The following TBC1D15 variants were observed in gnomAD, a reference collection of about 807,000 sequenced individuals.
TBC1D15 encodes TBC1 domain family member 15.
A neutral mutation model predicts 95.4 loss-of-function variants in TBC1D15; 39 were observed. That is an observed-to-expected ratio of 0.41 (90% confidence interval 0.32 to 0.53). The LOEUF is 0.53. TBC1D15 is among the 20% of genes least tolerant of loss of function. The pLI, the probability that TBC1D15 is intolerant of heterozygous loss-of-function variation, is 0.29. For missense variants in TBC1D15, 733 were observed against 794.3 expected, an observed-to-expected ratio of 0.92 and a Z score of 0.93; for synonymous variants, 258 against 261.3, an observed-to-expected ratio of 0.99 and a Z score of 0.12.
intron 10 of TBC1D15, among the ~76,000 whole-genome samples, chr12:71,899,213 CT>C (rs1465837026): frequency 5.9e-5 from 9 of 152,240 alleles, no homozygotes; most frequent in Admixed American, 5.2e-4. Context: ...CTTTCATGTC[CT>C]TTTCTGATCC....
chr12:71,894,240 TGA>T, intron 6 of TBC1D15: 1 of 1,065,922 alleles, frequency 9.4e-7, no homozygotes, highest in Non-Finnish European at 1.4e-6. Context: ...TATTTAAATA[TGA>T]GTTTTTAAAT....
At position 71,894,543 on chromosome 12, in the gene TBC1D15, A is replaced by T; in HGVS notation, c.658-143A>T. 2 of 1,094,100 alleles carry T rather than the reference A, an allele frequency of 1.8e-6. 1 individual carries two copies. Among genetic ancestry groups the T allele is most frequent in the South Asian group, 3.3e-5 (2 of 61,324 alleles). 67.8% of individuals were successfully genotyped at this position (1,094,100 alleles called of 1,614,324 possible). A position where few individuals can be genotyped will look rare whatever the true frequency, so the allele number is the denominator to read the frequency against. On this transcript the variant is annotated intron_variant, in intron 6 of 16. Transcript: ENST00000485960. Reference sequence around the variant, plus strand: ...AAATTTTTCTTTGAAGAAAGAAAATACAAATTTAAGATAATCTTAGAACAC... The same window carrying T: ...AAATTTTTCTTTGAAGAAAGAAAATTCAAATTTAAGATAATCTTAGAACAC...
chr12:71,856,463 T>C (rs1889100197), intron 1 of TBC1D15, among the ~76,000 whole-genome samples: 1 of 151,220 alleles, frequency 6.6e-6, no homozygotes, highest in Non-Finnish European at 1.5e-5. Context: ...ATGTTGCATG[T>C]CTCTGGTAGT....
rs112129926 is a variant in TBC1D15 at position 71,889,621 on chromosome 12, C to A, written c.555-3601C>A. Among the ~76,000 whole-genome samples the A allele has an allele frequency of 7.0e-3, 1,063 of 152,298 alleles. 6 individuals carry two copies. The highest frequency in any genetic ancestry group is 0.021 in the African/African-American group (891 of 41,572). ...CCAAATTTATATAAGCCATCCCCCA[C>A]TGTCAGATTCTTTTTTGTTTTAACT... On this transcript the variant is annotated intron_variant, in intron 5 of 16. Coordinates refer to ENST00000485960, the MANE Select transcript of TBC1D15 (RefSeq NM_001146213.3).
At position 71,856,405 on chromosome 12, in the gene TBC1D15, G is replaced by T. The variant is rs1027033325; in HGVS notation, c.31-15665G>T. ...ATTCTTTTGCTGTTTTAGATGCATGGTGCTGATTCTTTGTAGAATTTGGCT... is the reference window on the plus strand; with the variant it reads ...ATTCTTTTGCTGTTTTAGATGCATGTTGCTGATTCTTTGTAGAATTTGGCT... On this transcript the variant is annotated intron_variant, in intron 1 of 16. Coordinates refer to ENST00000485960, the MANE Select transcript of TBC1D15 (RefSeq NM_001146213.3). 3.3e-5 allele frequency among the ~76,000 whole-genome samples: 5 copies of T among 152,082 alleles called. No individual in the cohort carries two copies. The East Asian group carries it at 7.7e-4, about 23-fold the overall frequency.
chr12:71,894,164 C>T (rs1237529892), intron 6 of TBC1D15, among the ~76,000 whole-genome samples: 1 of 151,942 alleles, frequency 6.6e-6, no homozygotes, highest in African/African-American at 2.4e-5. Context: ...GTAGCACTGT[C>T]CCAGAATAAA....
chr12:71,882,928 T>C (rs754486631), intron 4 of TBC1D15, among the ~76,000 whole-genome samples: 2 of 152,168 alleles, frequency 1.3e-5, no homozygotes, highest in Non-Finnish European at 2.9e-5. Context: ...AATATATGTC[T>C]CTTCTGTTAA....
chr12:71,868,776 A>G (rs1001877569), intron 1 of TBC1D15: 7 of 152,224 alleles, frequency 4.6e-5, no homozygotes, highest in Admixed American at 2.6e-4. Context: ...TGTTAATGGT[A>G]TCATAGAACC....
intron 1 of TBC1D15, among the ~76,000 whole-genome samples, chr12:71,846,139 G>A (rs1320603487): frequency 1.3e-5 from 2 of 152,132 alleles, no homozygotes; most frequent in Non-Finnish European, 2.9e-5. Context: ...ATTCTAAAAT[G>A]TTTGCTGTGG....
chr12:71,888,985 G>C (rs1029904864), intron 5 of TBC1D15, among the ~76,000 whole-genome samples: 4 of 151,674 alleles, frequency 2.6e-5, no homozygotes, highest in South Asian at 2.1e-4. Context: ...GCTATAATAA[G>C]TGCCGTGAAT....
chr12:71,896,905 T>A, intron 9 of TBC1D15, 125 bp downstream of exon 9: 3 of 603,342 alleles, frequency 5.0e-6, no homozygotes, highest in Non-Finnish European at 8.2e-6. Context: ...TTCATTTTTA[T>A]GTTTTAACTT....
intron 3 of TBC1D15, among the ~76,000 whole-genome samples, chr12:71,877,547 CCTTCCTTCCTTCCTTT>C (rs1346289714): frequency 0.015 from 1,775 of 120,338 alleles, 61 homozygotes; most frequent in African/African-American, 0.056. Context: ...TTCCTTCCTT[CCTTCCTTCCTTCCTTT>C]CTTCTTTTTC....
At position 71,920,775 on chromosome 12, in the gene TBC1D15, C is replaced by G. The variant is rs1467480031; in HGVS notation, c.1644C>G (p.Leu548=). ...CATGTACAAATTTCCATCTTCTTCT[C>G]TGTTGTGCTATTCTGGAATCAGAAA... ...ELPCTNFHLL[L]CCAILESEKQ... The change falls in exon 15 of 17, where the codon CTC becomes CTG. Residue 548 remains leucine, a synonymous_variant. Transcript: ENST00000485960. The G allele has an allele frequency of 6.2e-7, 1 of 1,613,058 alleles. No individual in the cohort carries two copies. Among genetic ancestry groups the G allele is most frequent in the Admixed American group, 1.7e-5 (1 of 59,918 alleles).
At position 71,923,871 on chromosome 12, in the gene TBC1D15, TC is replaced by T. The variant is rs1870311410; in HGVS notation, c.*668del. On this transcript the variant is annotated 3_prime_UTR_variant, in exon 17 of 17. Transcript: ENST00000485960. ...AGTATAAGAAAGGTTAGGCATATTTTCATTAACTGAATAAACGACTTGATTT... is the reference window on the plus strand; with the variant it reads ...AGTATAAGAAAGGTTAGGCATATTTTATTAACTGAATAAACGACTTGATTT... 1 of 152,584 alleles carries T rather than the reference TC, an allele frequency of 6.6e-6. No individual in the cohort carries two copies. Among genetic ancestry groups the T allele is most frequent in the African/African-American group, 2.4e-5 (1 of 41,462 alleles). 9.5% of individuals were successfully genotyped at this position (152,584 alleles called of 1,614,324 possible). A position where few individuals can be genotyped will look rare whatever the true frequency, so the allele number is the denominator to read the frequency against.
chr12:71,851,300 T>G (rs539354197), intron 1 of TBC1D15, among the ~76,000 whole-genome samples: 1 of 152,056 alleles, frequency 6.6e-6, no homozygotes, highest in African/African-American at 2.4e-5. Context: ...CCACCCCCAC[T>G]ATTACCTCCC....
At chr12:71,839,858 G>C in intron 1 of TBC1D15, 47 bp downstream of exon 1, 1 of 1,613,130 alleles carries the variant, frequency 6.2e-7, no homozygotes, top group African/African-American at 1.3e-5. Flanking sequence ...CTGGGACGGG[G>C]ATGCTTTTGC....
chr12:71,909,026 T>C (rs894339698), intron 11 of TBC1D15, among the ~76,000 whole-genome samples: 3 of 152,200 alleles, frequency 2.0e-5, no homozygotes, highest in African/African-American at 7.2e-5. Context: ...TCTCAGATGG[T>C]AATTTTGAGA....
At chr12:71,860,447 ACAG>A (rs1890135408) in intron 1 of TBC1D15, among the ~76,000 whole-genome samples, 1 of 152,142 alleles carries the variant, frequency 6.6e-6, no homozygotes. Flanking sequence ...TTATTCTTGT[ACAG>A]ATCTTTCACC....
rs1904000875 is a variant in TBC1D15 at position 71,917,547 on chromosome 12, G to A, written c.1402-151G>A. 5 of 483,622 alleles carry A rather than the reference G, an allele frequency of 1.0e-5. 1 individual carries two copies. The highest frequency in any genetic ancestry group is 8.2e-5 in the South Asian group (2 of 24,464). The allele number at this position is 483,622 out of a possible 1,614,324, so 30.0% of individuals were successfully genotyped here. Reference sequence around the variant, plus strand: ...TCTTTACCCTCCCTTTTAGTGTTACGTTAGATTTTTGGTTAGTTACGCATT... The same window carrying A: ...TCTTTACCCTCCCTTTTAGTGTTACATTAGATTTTTGGTTAGTTACGCATT... On this transcript the variant is annotated intron_variant, in intron 12 of 16. Transcript: ENST00000485960.
Sources: gnomAD v4.1 joint callset for allele counts (sites outside exome capture counted in the v4.1 genomes callset) on GRCh38, gnomAD v4.1.1 for gene constraint, MANE v1.5 for transcripts, NCBI Gene and HGNC (gene_info 2026-07-23, HGNC 2026-07-21) for gene names.